Variants in GABRB1 observed in about 807,000 individuals in gnomAD.
GABRB1 encodes the protein gamma-aminobutyric acid receptor subunit beta-1.
In GABRB1, 17 loss-of-function variants were observed where a neutral mutation model predicts 51.6. That is an observed-to-expected ratio of 0.33 (90% CI 0.23 to 0.49). The LOEUF is 0.49. Among genes scored for constraint, GABRB1 ranks in the 20% least tolerant of loss-of-function variants. The probability of loss-of-function intolerance (pLI) is 0.99; values close to 1 mark genes in which losing one functional copy is unlikely to be tolerated. For synonymous variants in GABRB1, 247 were observed against 218.9 expected, an observed-to-expected ratio of 1.13 and a Z score of -1.14; for missense variants, 410 against 600.6, an observed-to-expected ratio of 0.68 and a Z score of 3.32.
intron 4 of GABRB1, among the ~76,000 whole-genome samples, chr4:47,222,629 C>G (rs1200880691): frequency 6.6e-6 from 1 of 152,080 alleles, no homozygotes; most frequent in Non-Finnish European, 1.5e-5. Context: ...ATAGCCAAGG[C>G]ACAAGTTGAC....
intron 3 of GABRB1, among the ~76,000 whole-genome samples, chr4:47,146,341 T>G (rs1717171627): frequency 6.6e-6 from 1 of 152,018 alleles, no homozygotes; most frequent in Non-Finnish European, 1.5e-5. Flanking sequence ...TTTTTGGTAG[T>G]CATGATAATG....
At chr4:47,133,104 T>C (rs951823401) in intron 3 of GABRB1, among the ~76,000 whole-genome samples, 3 of 152,244 alleles carry the variant, frequency 2.0e-5, no homozygotes, top group African/African-American at 7.2e-5. Context: ...ATTTGTTCAA[T>C]ATCTCTTGCA....
At chr4:47,098,027 G>A (rs1714532892) in intron 3 of GABRB1, among the ~76,000 whole-genome samples, 1 of 152,052 alleles carries the variant, frequency 6.6e-6, no homozygotes, top group Non-Finnish European at 1.5e-5. Flanking sequence ...GATATACTTA[G>A]CAGCATATAT....
At chr4:47,185,439 C>T (rs1719133471) in intron 4 of GABRB1, among the ~76,000 whole-genome samples, 1 of 151,822 alleles carries the variant, frequency 6.6e-6, no homozygotes, top group Admixed American at 6.6e-5. Context: ...TTAAAGATCA[C>T]AGCTAACATG....
At chr4:47,350,218 T>TATATATATAGAGAG (rs750199965) in intron 5 of GABRB1, among the ~76,000 whole-genome samples, 19 of 56,650 alleles carry the variant, frequency 3.4e-4, no homozygotes, top group South Asian at 1.7e-3. Flanking sequence ...TATATATATA[T>TATATATATAGAGAG]AGAGAGAGAG....
At chr4:47,373,544 G>A (rs1269548021) in intron 5 of GABRB1, among the ~76,000 whole-genome samples, 2 of 152,192 alleles carry the variant, frequency 1.3e-5, no homozygotes, top group East Asian at 1.9e-4. Context: ...CCAGACTGGG[G>A]TTCAAGATCC....
intron 7 of GABRB1, among the ~76,000 whole-genome samples, chr4:47,405,892 T>C (rs1054150533): frequency 2.0e-5 from 3 of 152,198 alleles, no homozygotes; most frequent in African/African-American, 7.2e-5. Flanking sequence ...ATGCTATATA[T>C]AACAAAGTAA....
At chr4:47,251,100 C>T (rs930386128) in intron 4 of GABRB1, among the ~76,000 whole-genome samples, 2 of 152,162 alleles carry the variant, frequency 1.3e-5, no homozygotes, top group Non-Finnish European at 2.9e-5. Flanking sequence ...AGGTCTAGGG[C>T]TGAAGGCCGT....
At chr4:47,236,673 A>G (rs1721345421) in intron 4 of GABRB1, among the ~76,000 whole-genome samples, 1 of 152,172 alleles carries the variant, frequency 6.6e-6, no homozygotes, top group African/African-American at 2.4e-5. Context: ...ATTTGTTCTT[A>G]CAAGCCAACC....
chr4:47,377,649 T>C (rs1727435993), intron 5 of GABRB1, among the ~76,000 whole-genome samples: 1 of 152,154 alleles, frequency 6.6e-6, no homozygotes, highest in South Asian at 2.1e-4. Flanking sequence ...ACCCACATCC[T>C]GCTGATTGGT....
At chr4:47,411,651 T>G (rs1728765275) in intron 8 of GABRB1, among the ~76,000 whole-genome samples, 1 of 152,202 alleles carries the variant, frequency 6.6e-6, no homozygotes, top group South Asian at 2.1e-4. Flanking sequence ...ACACTTTATG[T>G]CAATGTCACT....
At chr4:47,256,290 G>A (rs187935738) in intron 4 of GABRB1, among the ~76,000 whole-genome samples, 1 of 152,120 alleles carries the variant, frequency 6.6e-6, no homozygotes, top group Non-Finnish European at 1.5e-5. Context: ...AAATAGTTTT[G>A]AATTATTTCA....
intron 5 of GABRB1, 22 bp downstream of exon 5, chr4:47,320,231 ATG>A (rs1300435113): frequency 2.1e-6 from 3 of 1,450,996 alleles, no homozygotes; most frequent in Admixed American, 1.7e-5. Flanking sequence ...GGACAGGGGA[ATG>A]AAAAAGAGGG....
At chr4:47,162,880 C>A (rs1238387905) in intron 4 of GABRB1, among the ~76,000 whole-genome samples, 2 of 152,086 alleles carry the variant, frequency 1.3e-5, no homozygotes, top group Admixed American at 6.6e-5. Flanking sequence ...ACAAACCATT[C>A]ATCTATCATC....
At chr4:47,092,117 T>C (rs1201001010) in intron 3 of GABRB1, among the ~76,000 whole-genome samples, 3 of 151,452 alleles carry the variant, frequency 2.0e-5, no homozygotes, top group Non-Finnish European at 2.9e-5. Flanking sequence ...TCACCAATAA[T>C]TCCCAAGAAT....
At chr4:47,148,960 T>C (rs1467995389) in intron 3 of GABRB1, among the ~76,000 whole-genome samples, 1 of 151,978 alleles carries the variant, frequency 6.6e-6, no homozygotes, top group East Asian at 1.9e-4. Context: ...TTGCGGCACA[T>C]GCTTAAACCA....
chr4:47,338,362 C>T (rs1289304473), intron 5 of GABRB1, among the ~76,000 whole-genome samples: 4 of 152,124 alleles, frequency 2.6e-5, no homozygotes, highest in Non-Finnish European at 5.9e-5. Context: ...CATCCTAGTC[C>T]GTCAAAAGCT....
chr4:47,227,044 C>A (rs899586935), intron 4 of GABRB1, among the ~76,000 whole-genome samples: 1 of 152,106 alleles, frequency 6.6e-6, no homozygotes, highest in African/African-American at 2.4e-5. Flanking sequence ...AGAGACTATG[C>A]AAGTGAATGC....
At chr4:47,233,305 C>T (rs1721210470) in intron 4 of GABRB1, among the ~76,000 whole-genome samples, 1 of 152,126 alleles carries the variant, frequency 6.6e-6, no homozygotes, top group African/African-American at 2.4e-5. Context: ...CTCGCTTACT[C>T]AAAAACCTCC....
Sources: allele counts gnomAD v4.1 joint callset (sites outside exome capture counted in the v4.1 genomes callset), GRCh38; gene constraint gnomAD v4.1.1; transcripts MANE v1.5; gene names NCBI Gene and HGNC (gene_info 2026-07-23, HGNC 2026-07-21).